The following SLC22A15 variants were observed in gnomAD, a reference collection of about 807,000 sequenced individuals.
SLC22A15 encodes solute carrier family 22 member 15.
SLC22A15 carries 45 observed loss-of-function variants against 62.7 expected under a neutral mutation model. The ratio of observed to expected loss-of-function variants is 0.72; its 90% CI spans 0.56 to 0.92. The LOEUF is 0.92. Among genes scored for constraint, SLC22A15 ranks in the 40% least tolerant of loss-of-function variants. SLC22A15 has a pLI of 0.00. For missense variants in SLC22A15, 622 were observed against 665.6 expected (o/e 0.93, Z 0.72); for synonymous variants, 264 against 267.0 (o/e 0.99, Z 0.11).
At chr1:116,006,743 T>A (rs987616241) in intron 2 of SLC22A15, among the ~76,000 whole-genome samples, 3 of 152,050 alleles carry the variant, frequency 2.0e-5, no homozygotes, top group African/African-American at 7.2e-5. Flanking sequence ...CTGTTTCTGC[T>A]TGTTCCCATG....
intron 1 of SLC22A15, among the ~76,000 whole-genome samples, chr1:115,980,230 A>G (rs1570678477): frequency 6.6e-6 from 1 of 152,262 alleles, no homozygotes; most frequent in Non-Finnish European, 1.5e-5. Flanking sequence ...ACATTAAACA[A>G]TCTAACAGTA....
At chr1:116,043,499 A>G (rs913674924) in intron 8 of SLC22A15, among the ~76,000 whole-genome samples, 1 of 152,200 alleles carries the variant, frequency 6.6e-6, no homozygotes, top group African/African-American at 2.4e-5. Flanking sequence ...AAATTTATAT[A>G]ATTCTTTTAA....
chr1:115,994,404 T>A (rs1354183229), intron 2 of SLC22A15, among the ~76,000 whole-genome samples: 2 of 152,230 alleles, frequency 1.3e-5, no homozygotes, highest in Non-Finnish European at 2.9e-5. Context: ...AGAGCTGAGA[T>A]TTGAAGCTAA....
In SLC22A15 at chr1:116,044,462, T is replaced by G. The variant is rs1434114680; in HGVS notation, c.1171+7074T>G. ...TTACTGGTGAAAGACTGAATACTTATATTCTAAGGTCAGGAGAAAGGCCAG... is the reference window on the plus strand; with the variant it reads ...TTACTGGTGAAAGACTGAATACTTAGATTCTAAGGTCAGGAGAAAGGCCAG... On this transcript the variant is annotated intron_variant, in intron 8 of 11. Coordinates refer to ENST00000369503, the MANE Select transcript of SLC22A15 (RefSeq NM_018420.3). Among the ~76,000 whole-genome samples the G allele has an allele frequency of 2.6e-5, 4 of 152,344 alleles. No individual in the cohort carries two copies. In the East Asian group the frequency reaches 7.7e-4, roughly 29 times the overall value.
intron 4 of SLC22A15, among the ~76,000 whole-genome samples, chr1:116,024,461 G>T (rs1005350597): frequency 6.6e-6 from 1 of 152,102 alleles, no homozygotes; most frequent in Non-Finnish European, 1.5e-5. Flanking sequence ...TTTAAAATAG[G>T]CATAGTACTT....
intron 2 of SLC22A15, among the ~76,000 whole-genome samples, chr1:115,993,798 TTGGTC>T (rs1360632341): frequency 6.6e-6 from 1 of 152,144 alleles, no homozygotes; most frequent in Non-Finnish European, 1.5e-5. Flanking sequence ...ACTTCGTAGC[TTGGTC>T]CAGGTGTACT....
At chr1:115,982,541 C>A (rs193238560) in intron 1 of SLC22A15, among the ~76,000 whole-genome samples, 14 of 152,204 alleles carry the variant, frequency 9.2e-5, no homozygotes, top group African/African-American at 3.4e-4. Flanking sequence ...AATATATGGC[C>A]ATAGTATAAT....
At chr1:115,994,968 T>C (rs953970376) in intron 2 of SLC22A15, among the ~76,000 whole-genome samples, 1 of 152,170 alleles carries the variant, frequency 6.6e-6, no homozygotes, top group African/African-American at 2.4e-5. Context: ...TTAGTATCTT[T>C]TGACCTTCAG....
At chr1:116,033,280 ATAT>A (rs1247256258) in intron 6 of SLC22A15, among the ~76,000 whole-genome samples, 1 of 152,234 alleles carries the variant, frequency 6.6e-6, no homozygotes, top group Non-Finnish European at 1.5e-5. Flanking sequence ...ATACTGTTAA[ATAT>A]TATGCAAGCA....
chr1:116,001,733 TTC>T (rs1321567058), intron 2 of SLC22A15, among the ~76,000 whole-genome samples: 1 of 152,106 alleles, frequency 6.6e-6, no homozygotes, highest in African/African-American at 2.4e-5. Context: ...TCTGAATTCC[TTC>T]TCTGAGTTAT....
At chr1:116,065,979 A>G (rs966572681) in intron 10 of SLC22A15, among the ~76,000 whole-genome samples, 1 of 152,208 alleles carries the variant, frequency 6.6e-6, no homozygotes, top group African/African-American at 2.4e-5. Flanking sequence ...TTAGAAGTTT[A>G]TAAGCCATAT....
chr1:116,053,743 G>C (rs984831399), intron 8 of SLC22A15, among the ~76,000 whole-genome samples: 6 of 151,608 alleles, frequency 4.0e-5, no homozygotes, highest in Non-Finnish European at 7.4e-5. Context: ...GAGTGGGGGC[G>C]AATATTCAAC....
intron 11 of SLC22A15, 61 bp from the exon 12 acceptor site, chr1:116,066,958 G>A (rs1288056923): frequency 7.5e-7 from 1 of 1,341,462 alleles, no homozygotes; most frequent in Non-Finnish European, 1.1e-6. Flanking sequence ...CTAGATGGTA[G>A]TTTCCATTTC....
chr1:115,992,512 G>A (rs1363472636), intron 2 of SLC22A15, among the ~76,000 whole-genome samples: 8 of 151,912 alleles, frequency 5.3e-5, no homozygotes, highest in Non-Finnish European at 1.0e-4. Context: ...TGATTATGAT[G>A]TCCTTTTAAA....
chr1:116,046,798 G>A (rs1457114907), intron 8 of SLC22A15, among the ~76,000 whole-genome samples: 1 of 152,206 alleles, frequency 6.6e-6, no homozygotes, highest in Non-Finnish European at 1.5e-5. Context: ...AACTGCAGGA[G>A]AAGTTTCCCA....
intron 2 of SLC22A15, among the ~76,000 whole-genome samples, chr1:115,999,826 A>G (rs1570707633): frequency 2.6e-5 from 4 of 151,740 alleles, no homozygotes; most frequent in Admixed American, 2.0e-4. Flanking sequence ...TCTTATATCC[A>G]CTTGCTGAAT....
At chr1:116,057,702 A>T (rs1658253492) in intron 8 of SLC22A15, among the ~76,000 whole-genome samples, 1 of 152,260 alleles carries the variant, frequency 6.6e-6, no homozygotes, top group Admixed American at 6.5e-5. Flanking sequence ...TGTGGCACAT[A>T]TACACCATGG....
intron 2 of SLC22A15, among the ~76,000 whole-genome samples, chr1:116,006,101 C>T (rs941209317): frequency 1.3e-5 from 2 of 152,142 alleles, no homozygotes; most frequent in Non-Finnish European, 2.9e-5. Context: ...ACCTAAGCAA[C>T]ATTTATGTAG....
chr1:115,992,914 C>G (rs575833047), intron 2 of SLC22A15, among the ~76,000 whole-genome samples: 2 of 152,060 alleles, frequency 1.3e-5, no homozygotes, highest in East Asian at 3.9e-4. Context: ...CATGAGCCAC[C>G]GCGCCTGGCC....
Sources: gnomAD v4.1 joint callset for allele counts (sites outside exome capture counted in the v4.1 genomes callset) on GRCh38, gnomAD v4.1.1 for gene constraint, MANE v1.5 for transcripts, NCBI Gene and HGNC (gene_info 2026-07-23, HGNC 2026-07-21) for gene names.